IFI44: variants seen among roughly 807,000 people sequenced by gnomAD.
IFI44 encodes interferon induced protein 44, also known as interferon-induced protein 44.
A neutral mutation model predicts 45.0 loss-of-function variants in IFI44; 42 were observed. The observed-to-expected ratio is 0.93, with a 90% CI of 0.73 to 1.21. The LOEUF (loss-of-function observed/expected upper bound fraction) is 1.21, where lower values mean the gene tolerates loss of function less well. IFI44 is among the 50% of genes most tolerant of loss of function. The probability of loss-of-function intolerance (pLI) is 0.00; values close to 1 mark genes in which losing one functional copy is unlikely to be tolerated. For missense variants in IFI44, 623 were observed against 525.8 expected, an observed-to-expected ratio of 1.18 and a Z score of -1.81; for synonymous variants, 221 against 188.6, an observed-to-expected ratio of 1.17 and a Z score of -1.41.
At chr1:78,663,168 A>G in intron 8 of IFI44, 1 of 985,212 alleles carries the variant, frequency 1.0e-6, no homozygotes, top group Non-Finnish European at 1.2e-6. Flanking sequence ...CCCAAGCTGT[A>G]TCCCTGGCCT....
chr1:78,663,106 G>T, intron 8 of IFI44: 1 of 985,006 alleles, frequency 1.0e-6, no homozygotes, highest in Non-Finnish European at 1.2e-6. Flanking sequence ...TTTTTGTCTT[G>T]AGATGAAAGT....
Position 78,662,813 on chromosome 1 carries a change from C to T in IFI44, c.1223C>T (p.Ser408Phe), listed in dbSNP as rs1339889229. 6.2e-7 allele frequency: 1 copy of T among 1,613,806 alleles called. No homozygotes were observed. Among genetic ancestry groups the T allele is most frequent in the East Asian group, 2.2e-5 (1 of 44,854 alleles). ...CCTGTAAAGGATGTTCTAATTCTTT[C>T]TGCTCTGAGACGAATGCTATGGGCT... ...LDPVKDVLIL[S>F]ALRRMLWAAD... Residue 408 changes from serine (S) to phenylalanine (F), a missense_variant, in exon 8 of 9, where the codon TCT (serine) becomes TTT (phenylalanine). Physicochemically the swap from Ser to Phe is radical, Grantham distance 155. Transcript: ENST00000370747.
intron 5 of IFI44, among the ~76,000 whole-genome samples, chr1:78,657,962 G>C (rs1647263072): frequency 6.6e-6 from 1 of 151,868 alleles, no homozygotes; most frequent in Admixed American, 6.6e-5. Context: ...CACAGCTTTT[G>C]AAACAGCTAT....
chr1:78,650,601 G>A lies in IFI44; in HGVS notation c.406G>A (p.Ala136Thr). The change falls in exon 2 of 9, where the codon GCT (alanine) becomes ACT (threonine). Residue 136 changes from alanine (A) to threonine (T), a missense_variant. Transcript: ENST00000370747. The stretch of plus-strand genomic sequence containing the variant: ...AAAGACAATGGAAAATCTTGGACTT[G>A]CTCAAAATTGTACTATCTCTATTCA... ...DLKTMENLGL[A>T]QNCTISIQDY... The A allele has an allele frequency of 9.9e-6, 16 of 1,609,348 alleles. No individual in the cohort carries two copies. Among genetic ancestry groups the A allele is most frequent in the Non-Finnish European group, 1.4e-5 (16 of 1,178,366 alleles).
rs1334415967 is a variant in IFI44, at chr1:78,655,049, A to G, written c.530A>G (p.Tyr177Cys). The change falls in exon 4 of 9, where the codon TAT (tyrosine) becomes TGT (cysteine). Residue 177 changes from tyrosine (Y) to cysteine (C), a missense_variant. Transcript: ENST00000370747. ...AGCTTACTGTCTGCCTTGAGAACTTATGAACCATATGGATCCCTGGTTCAA... is the reference window on the plus strand; with the variant it reads ...AGCTTACTGTCTGCCTTGAGAACTTGTGAACCATATGGATCCCTGGTTCAA... ...RKSLLSALRT[Y>C]EPYGSLVQQI... 1.2e-6 allele frequency: 2 copies of G among 1,613,850 alleles called. No homozygotes were observed. Among genetic ancestry groups the G allele is most frequent in the East Asian group, 2.2e-5 (1 of 44,856 alleles).
chr1:78,657,457 G>T (rs1647243089), intron 5 of IFI44, among the ~76,000 whole-genome samples: 1 of 151,930 alleles, frequency 6.6e-6, no homozygotes, highest in Non-Finnish European at 1.5e-5. Context: ...TTCAATTTAG[G>T]TTCTACTTCA....
At chr1:78,662,522 A>T (rs1647521845) in intron 7 of IFI44, 182 bp from the exon 8 acceptor site, 1 of 566,428 alleles carries the variant, frequency 1.8e-6, no homozygotes, top group Non-Finnish European at 3.1e-6. Context: ...TACAATTATC[A>T]GTGACATTAG....
At chr1:78,657,402 G>C (rs1647240456) in intron 5 of IFI44, among the ~76,000 whole-genome samples, 1 of 151,910 alleles carries the variant, frequency 6.6e-6, no homozygotes, top group African/African-American at 2.4e-5. Context: ...ATGGTCCTCT[G>C]TTTTCTGTGT....
chr1:78,655,364 T>C lies in IFI44; in HGVS notation c.693T>C (p.Tyr231=), dbSNP rs114085012. 1 of 1,608,524 alleles carries C rather than the reference T, an allele frequency of 6.2e-7. No homozygotes were observed. The highest frequency in any genetic ancestry group is 1.3e-5 in the African/African-American group (1 of 74,684). The stretch of plus-strand genomic sequence containing the variant: ...AATTGCTTTTCTCCCCTCTACAGTA[T>C]AGGACATACTCTATTAGAGACGGGA... ...GTNTTGISEK[Y]RTYSIRDGKD... The change falls in exon 5 of 9, where the codon TAT becomes TAC. Residue 231 remains tyrosine (Y), a splice_region_variant and synonymous_variant. Coordinates refer to ENST00000370747, the MANE Select transcript of IFI44 (RefSeq NM_006417.5).
At chr1:78,661,436 T>C (rs1647446054) in intron 7 of IFI44, among the ~76,000 whole-genome samples, 1 of 152,094 alleles carries the variant, frequency 6.6e-6, no homozygotes, top group East Asian at 1.9e-4. Flanking sequence ...AGGCTAACTG[T>C]CTATCTTTAC....
At chr1:78,650,108 G>A in intron 1 of IFI44, 78 bp from the exon 2 acceptor site, 1 of 977,354 alleles carries the variant, frequency 1.0e-6, no homozygotes, top group South Asian at 1.9e-5. Context: ...GTATATAAGA[G>A]GCATAAATGC....
rs571097000 is a variant in IFI44 at position 78,662,760 on chromosome 1, C to T, written c.1170C>T (p.Ser390=). ...GFALSDISVV[S]NYSSEWELDP... ...CTCTTTCTGACATCTCGGTGGTTAG[C>T]AATTATTCCTCTGAGTGGGAGCTGG... The change falls in exon 8 of 9, where the codon AGC becomes AGT. Residue 390 remains serine (S), a synonymous_variant. Transcript: ENST00000370747. 8 of 1,612,228 alleles carry T rather than the reference C, an allele frequency of 5.0e-6. No homozygotes were observed. The highest frequency in any genetic ancestry group is 3.3e-5 in the Admixed American group (2 of 59,800).
In IFI44 at chr1:78,654,269, G is replaced by A; in HGVS notation, c.484G>A (p.Gly162Arg). ...EDSLDERKIK[G>R]VIELRKSLLS... ...TTCACTGGATGAAAGAAAGATAAAA[G>A]GGGTCATTGAGTAAGTCAATGTTTT... Residue 162 changes from glycine to arginine, a missense_variant, in exon 3 of 9, where the codon GGG becomes AGG. Transcript: ENST00000370747. 3 of 1,487,216 alleles carry A rather than the reference G, an allele frequency of 2.0e-6. No individual in the cohort carries two copies. The highest frequency in any genetic ancestry group is 1.1e-5 in the South Asian group (1 of 87,900). 92.1% of individuals were successfully genotyped at this position (1,487,216 alleles called of 1,614,324 possible).
At position 78,662,306 on chromosome 1, in the gene IFI44, A is replaced by G. The variant is rs567543194; in HGVS notation, c.1114-398A>G. Among the ~76,000 whole-genome samples the G allele has an allele frequency of 6.6e-5, 10 of 152,362 alleles. No individual in the cohort carries two copies. In the South Asian group the frequency reaches 1.9e-3, roughly 28 times the overall value. On this transcript the variant is annotated intron_variant, in intron 7 of 8. Coordinates refer to ENST00000370747, the MANE Select transcript of IFI44 (RefSeq NM_006417.5). ...CCAACGTTTATTGACAGTGCTGAGC[A>G]GTGACAGATAAATATTTCGAACCTA...
chr1:78,652,114 C>G (rs1439109226), intron 2 of IFI44, among the ~76,000 whole-genome samples: 1 of 152,032 alleles, frequency 6.6e-6, no homozygotes, highest in African/African-American at 2.4e-5. Context: ...GAGACAGAGT[C>G]TCTGTCACCC....
At chr1:78,657,863 A>G (rs930548355) in intron 5 of IFI44, among the ~76,000 whole-genome samples, 16 of 152,130 alleles carry the variant, frequency 1.1e-4, no homozygotes, top group African/African-American at 3.9e-4. Flanking sequence ...AAAATGTACC[A>G]TCTTGTACCA....
intron 7 of IFI44, 90 bp downstream of exon 7, chr1:78,660,744 AC>A: frequency 1.1e-6 from 1 of 875,890 alleles, no homozygotes; most frequent in Non-Finnish European, 1.9e-6. Flanking sequence ...ACAAGCAGCT[AC>A]TGGGTTTAAG....
chr1:78,661,281 C>T (rs1286456738), intron 7 of IFI44, among the ~76,000 whole-genome samples: 1 of 152,064 alleles, frequency 6.6e-6, no homozygotes, highest in African/African-American at 2.4e-5. Context: ...CCAGGCTGGT[C>T]TCAAACTCCT....
chr1:78,651,081 A>G (rs1647116657), intron 2 of IFI44, among the ~76,000 whole-genome samples: 1 of 152,216 alleles, frequency 6.6e-6, no homozygotes, highest in African/African-American at 2.4e-5. Flanking sequence ...ACCATGTACC[A>G]GCAGTGGTCA....
Sources: allele counts gnomAD v4.1 joint callset (sites outside exome capture counted in the v4.1 genomes callset), GRCh38; gene constraint gnomAD v4.1.1; transcripts MANE v1.5; gene names NCBI Gene and HGNC (gene_info 2026-07-23, HGNC 2026-07-21).